The following RBM39 variants were observed in gnomAD, a reference collection of about 807,000 sequenced individuals.
The protein encoded by RBM39 is RNA-binding protein 39.
A neutral mutation model predicts 79.6 loss-of-function variants in RBM39; 12 were observed. The observed-to-expected ratio is 0.15, with a 90% CI of 0.10 to 0.24. The LOEUF is 0.24. Ranked by LOEUF, RBM39 falls within the 10% of genes least tolerant of loss-of-function variation. RBM39 has a pLI of 1.00. For missense variants in RBM39, 243 were observed against 653.4 expected (o/e 0.37, Z 6.85); for synonymous variants, 185 against 208.4 (o/e 0.89, Z 0.97).
intron 9 of RBM39, among the ~76,000 whole-genome samples, chr20:35,717,592 G>C (rs1727053282): frequency 6.6e-6 from 1 of 152,164 alleles, no homozygotes; most frequent in Non-Finnish European, 1.5e-5. Flanking sequence ...GCACAATTCT[G>C]TGAATTGTAC....
chr20:35,715,081 T>G (rs1358478816), intron 10 of RBM39, among the ~76,000 whole-genome samples: 1 of 152,200 alleles, frequency 6.6e-6, no homozygotes, highest in Non-Finnish European at 1.5e-5. Context: ...AGGCTTACAT[T>G]TTATTGAAAT....
At chr20:35,718,813 C>CAAAA (rs555136304) in intron 9 of RBM39, among the ~76,000 whole-genome samples, 25 of 37,838 alleles carry the variant, frequency 6.6e-4, no homozygotes, top group Middle Eastern at 0.018. Flanking sequence ...TACTCCATCT[C>CAAAA]AAAAAAAAAA....
At chr20:35,710,893 T>C (rs796140317) in intron 12 of RBM39, among the ~76,000 whole-genome samples, 10 of 152,282 alleles carry the variant, frequency 6.6e-5, no homozygotes, top group African/African-American at 9.6e-5. Context: ...ACTAGATACA[T>C]AGATAAAGGG....
chr20:35,728,904 C>T (rs915998878), intron 6 of RBM39, among the ~76,000 whole-genome samples: 2 of 151,790 alleles, frequency 1.3e-5, no homozygotes, highest in African/African-American at 4.8e-5. Flanking sequence ...ATGGTGAAAT[C>T]CCATCGCTAC....
At chr20:35,706,735 C>T (rs1415055464) in intron 14 of RBM39, among the ~76,000 whole-genome samples, 3 of 151,944 alleles carry the variant, frequency 2.0e-5, no homozygotes, top group Non-Finnish European at 2.9e-5. Context: ...AAATGAAATA[C>T]GGAAATACCA....
intron 8 of RBM39, among the ~76,000 whole-genome samples, chr20:35,722,846 A>G (rs2038154561): frequency 6.6e-6 from 1 of 151,888 alleles, no homozygotes; most frequent in Non-Finnish European, 1.5e-5. Context: ...AGGCAGGAGA[A>G]TGGCGTGAAC....
chr20:35,740,605 G>A lies in RBM39; in HGVS notation c.51+219C>T, dbSNP rs180983278. The A allele has an allele frequency of 6.4e-4, 941 of 1,463,336 alleles. 1 individual carries two copies. Among genetic ancestry groups the A allele is most frequent in the Non-Finnish European group, 6.7e-4 (725 of 1,083,770 alleles). The allele number at this position is 1,463,336 out of a possible 1,614,324, so 90.6% of individuals were successfully genotyped here. Reference sequence around the variant, plus strand: ...AGATATCGTTAGGCAAGTCTACAAAGAGAGATAGATGGGCATTTATTCATC... The same window carrying A: ...AGATATCGTTAGGCAAGTCTACAAAAAGAGATAGATGGGCATTTATTCATC... On this transcript the variant is annotated intron_variant, in intron 2 of 16. Transcript: ENST00000253363.
chr20:35,733,834 G>C (rs1291555052), intron 3 of RBM39, among the ~76,000 whole-genome samples: 1 of 151,998 alleles, frequency 6.6e-6, no homozygotes, highest in East Asian at 1.9e-4. Flanking sequence ...AACCAAAAAA[G>C]CCAAACATAT....
At chr20:35,705,422 T>A (rs2035597304) in intron 14 of RBM39, 92 bp from the exon 15 acceptor site, 1 of 725,680 alleles carries the variant, frequency 1.4e-6, no homozygotes. Flanking sequence ...ATTCTATGAA[T>A]TAAAAAAAAT....
At chr20:35,723,333 G>GC (rs1342873067) in intron 8 of RBM39, among the ~76,000 whole-genome samples, 4 of 152,180 alleles carry the variant, frequency 2.6e-5, no homozygotes, top group African/African-American at 9.6e-5. Context: ...ACAGGTTGCT[G>GC]CATGAATTTA....
In RBM39 at chr20:35,721,225, G is replaced by A. The variant is rs546080199; in HGVS notation, c.825+515C>T. On this transcript the variant is annotated intron_variant, in intron 9 of 16. Coordinates refer to ENST00000253363, the MANE Select transcript of RBM39 (RefSeq NM_184234.3). ...GCTGGGGTTACAGGTGTGAGCCACC[G>A]CACCCGGCCAACAGAAAAGAATCTT... 4.4e-4 allele frequency among the ~76,000 whole-genome samples: 67 copies of A among 152,126 alleles called. No homozygotes were observed. The East Asian group carries it at 0.01, about 23-fold the overall frequency.
chr20:35,710,624 C>T (rs114125633), intron 12 of RBM39: 8 of 152,156 alleles, frequency 5.3e-5, no homozygotes, highest in African/African-American at 1.9e-4. Flanking sequence ...TAGTGATGAC[C>T]CATCCCTAGT....
At chr20:35,707,322 T>A in intron 13 of RBM39, 121 bp from the exon 14 acceptor site, 1 of 519,958 alleles carries the variant, frequency 1.9e-6, no homozygotes, top group Non-Finnish European at 3.3e-6. Context: ...ACTGGAGTTA[T>A]TTTACCTTAT....
intron 9 of RBM39, among the ~76,000 whole-genome samples, chr20:35,719,645 C>A (rs748248593): frequency 5.7e-4 from 87 of 151,982 alleles, no homozygotes; most frequent in Non-Finnish European, 1.2e-4. Context: ...CCACTGCACT[C>A]CAGCCTAGGC....
chr20:35,741,024 A>ATTTTTTTTTTTTTTT (rs1600675384), intron 1 of RBM39, 137 bp from the exon 2 acceptor site: 4 of 78,026 alleles, frequency 5.1e-5, no homozygotes, highest in African/African-American at 8.2e-5. Context: ...GTGAGTAAAC[A>ATTTTTTTTTTTTTTT]TTTTTCTTTT....
At chr20:35,739,769 T>C (rs1280085924) in intron 2 of RBM39, 12 of 275,656 alleles carry the variant, frequency 4.4e-5, no homozygotes, top group Non-Finnish European at 7.3e-6. Context: ...ACATACACTA[T>C]TTAAATCTAT....
In RBM39 at chr20:35,703,044, CAAAAA is replaced by C. The variant is rs545511428; in HGVS notation, c.*1432_*1436del. ...TGTAAAACTTGTGCTTCAATGCTAA[CAAAAA>C]AAAAAGTTGAACAAATGAGGTAAGG... On this transcript the variant is annotated 3_prime_UTR_variant, in exon 17 of 17. Coordinates refer to ENST00000253363, the MANE Select transcript of RBM39 (RefSeq NM_184234.3). The C allele has an allele frequency of 6.8e-6, 1 of 146,446 alleles. No homozygotes were observed. The highest frequency in any genetic ancestry group is 2.5e-5 in the African/African-American group (1 of 39,950). The allele number at this position is 146,446 out of a possible 1,614,324, so 9.1% of individuals were successfully genotyped here. A position where few individuals can be genotyped will look rare whatever the true frequency, so the allele number is the denominator to read the frequency against.
intron 14 of RBM39, among the ~76,000 whole-genome samples, chr20:35,706,375 T>C (rs1041029375): frequency 6.6e-6 from 1 of 152,136 alleles, no homozygotes; most frequent in African/African-American, 2.4e-5. Context: ...CAAATGATAC[T>C]TACAACGAAA....
chr20:35,708,206 A>G (rs544887499), intron 13 of RBM39, among the ~76,000 whole-genome samples: 1 of 152,208 alleles, frequency 6.6e-6, no homozygotes, highest in African/African-American at 2.4e-5. Flanking sequence ...TTTTAATATA[A>G]CATGTCAAAT....
Sources: gnomAD v4.1 joint callset for allele counts (sites outside exome capture counted in the v4.1 genomes callset) on GRCh38, gnomAD v4.1.1 for gene constraint, MANE v1.5 for transcripts, NCBI Gene and HGNC (gene_info 2026-07-23, HGNC 2026-07-21) for gene names.